The following ETV6 variants were observed in gnomAD, a reference collection of about 807,000 sequenced individuals.
ETV6 encodes the protein ETS variant transcription factor 6, also known as transcription factor ETV6.
ETV6 carries 16 observed loss-of-function variants against 51.1 expected under a neutral mutation model. That is an observed-to-expected ratio of 0.31 (90% CI 0.21 to 0.48). The LOEUF is 0.48. Among genes scored for constraint, ETV6 ranks in the 20% least tolerant of loss-of-function variants. ETV6 has a pLI of 0.99. For missense variants in ETV6, 458 were observed against 594.8 expected, an observed-to-expected ratio of 0.77 and a Z score of 2.39; for synonymous variants, 240 against 224.1, an observed-to-expected ratio of 1.07 and a Z score of -0.64.
rs374994325 is a variant in ETV6 at position 11,843,831 on chromosome 12, T to A, written c.328+4527T>A. ...TTGCAGTGTGCTTTAAATAATTATA[T>A]GGTCTCTAACCAGAAGATTTCAAGG... is the stretch of plus-strand genomic sequence containing the variant. On this transcript the variant is annotated intron_variant, in intron 3 of 7. Transcript: ENST00000396373. 2.2e-4 allele frequency among the ~76,000 whole-genome samples: 33 copies of A among 152,302 alleles called. No homozygotes were observed. In the East Asian group the frequency reaches 4.6e-3, roughly 21 times the overall value.
At chr12:11,878,241 G>C (rs1447842092) in intron 5 of ETV6, among the ~76,000 whole-genome samples, 1 of 152,176 alleles carries the variant, frequency 6.6e-6, no homozygotes, top group Non-Finnish European at 1.5e-5. Flanking sequence ...AGAAATCAAA[G>C]AGCCCTAAAA....
chr12:11,684,082 A>C (rs1864583333), intron 1 of ETV6, among the ~76,000 whole-genome samples: 1 of 152,254 alleles, frequency 6.6e-6, no homozygotes, highest in Admixed American at 6.5e-5. Flanking sequence ...AACTGAGAAA[A>C]AAGTGATTCA....
chr12:11,859,342 C>T (rs911806270), intron 4 of ETV6, among the ~76,000 whole-genome samples: 16 of 151,516 alleles, frequency 1.1e-4, no homozygotes, highest in Non-Finnish European at 2.4e-4. Flanking sequence ...AGGGTTTCGC[C>T]GTGTTAGCCA....
intron 2 of ETV6, among the ~76,000 whole-genome samples, chr12:11,812,487 T>G (rs1230506421): frequency 2.0e-5 from 3 of 152,164 alleles, no homozygotes; most frequent in African/African-American, 7.2e-5. Context: ...TCAAATATAT[T>G]TAGTGCTTTC....
At chr12:11,797,089 T>C (rs1000461772) in intron 2 of ETV6, among the ~76,000 whole-genome samples, 1 of 152,206 alleles carries the variant, frequency 6.6e-6, no homozygotes, top group African/African-American at 2.4e-5. Context: ...ATTCTTTTTC[T>C]CCTCTAAAGA....
At chr12:11,675,089 C>T (rs532819704) in intron 1 of ETV6, among the ~76,000 whole-genome samples, 30 of 152,300 alleles carry the variant, frequency 2.0e-4, no homozygotes, top group Non-Finnish European at 3.4e-4. Context: ...CTAGCTGTAG[C>T]CATGGGGGTA....
chr12:11,682,434 T>C (rs1194703126), intron 1 of ETV6, among the ~76,000 whole-genome samples: 3 of 152,188 alleles, frequency 2.0e-5, no homozygotes, highest in African/African-American at 7.2e-5. Context: ...TGTAAATTTG[T>C]TTTAAGTTCC....
chr12:11,813,729 C>T (rs1325825304), intron 2 of ETV6, among the ~76,000 whole-genome samples: 1 of 152,284 alleles, frequency 6.6e-6, no homozygotes, highest in East Asian at 1.9e-4. Context: ...CTTGAAAAGA[C>T]TTCTTGTGAT....
At chr12:11,775,986 T>C (rs1044591869) in intron 2 of ETV6, among the ~76,000 whole-genome samples, 2 of 152,232 alleles carry the variant, frequency 1.3e-5, no homozygotes, top group Non-Finnish European at 1.5e-5. Context: ...TCATCCACCT[T>C]ACACCATGTC....
At chr12:11,887,939 G>A (rs948841269) in intron 7 of ETV6, among the ~76,000 whole-genome samples, 2 of 152,120 alleles carry the variant, frequency 1.3e-5, no homozygotes, top group African/African-American at 2.4e-5. Flanking sequence ...CTGTGTTGCA[G>A]GGGCTAGAAG....
chr12:11,840,992 A>G (rs748981128), intron 3 of ETV6: 21 of 157,704 alleles, frequency 1.3e-4, no homozygotes, highest in Non-Finnish European at 2.7e-4. Context: ...TTGTGTTCCA[A>G]TGAAACCATT....
At chr12:11,852,924 C>T (rs1484433559) in intron 3 of ETV6, among the ~76,000 whole-genome samples, 1 of 152,202 alleles carries the variant, frequency 6.6e-6, no homozygotes, top group African/African-American at 2.4e-5. Context: ...CGGTAGCTTA[C>T]ACCTGTAATC....
intron 2 of ETV6, among the ~76,000 whole-genome samples, chr12:11,802,670 T>A (rs1945767260): frequency 6.6e-6 from 1 of 152,238 alleles, no homozygotes; most frequent in Non-Finnish European, 1.5e-5. Context: ...AATTCTTAAA[T>A]AGACTTTACA....
At chr12:11,822,510 T>C (rs1481164374) in intron 2 of ETV6, among the ~76,000 whole-genome samples, 3 of 152,230 alleles carry the variant, frequency 2.0e-5, no homozygotes, top group Non-Finnish European at 4.4e-5. Flanking sequence ...CATCCAGGTC[T>C]GTAGGGGAAA....
chr12:11,854,710 T>C (rs1054106738), intron 4 of ETV6, among the ~76,000 whole-genome samples: 1 of 152,116 alleles, frequency 6.6e-6, no homozygotes, highest in Non-Finnish European at 1.5e-5. Context: ...CTTTGATTTC[T>C]GGAATATGGA....
chr12:11,806,923 A>G (rs1254753177), intron 2 of ETV6, among the ~76,000 whole-genome samples: 1 of 152,240 alleles, frequency 6.6e-6, no homozygotes, highest in Non-Finnish European at 1.5e-5. Flanking sequence ...ACAATCCCGA[A>G]CAAGCTAAGC....
At chr12:11,833,649 GT>G (rs1396111491) in intron 2 of ETV6, among the ~76,000 whole-genome samples, 5 of 152,176 alleles carry the variant, frequency 3.3e-5, no homozygotes, top group Admixed American at 1.3e-4. Context: ...CTGTGTTCTA[GT>G]TTTCTCCTCC....
intron 2 of ETV6, among the ~76,000 whole-genome samples, chr12:11,784,984 G>A (rs1945465297): frequency 6.7e-6 from 1 of 149,266 alleles, no homozygotes; most frequent in Admixed American, 6.8e-5. Context: ...TAGGATTACA[G>A]GCATGAACCA....
At chr12:11,754,922 A>G (rs2724602) in intron 2 of ETV6, among the ~76,000 whole-genome samples, 143,294 of 152,296 alleles carry the variant, frequency 0.94, 68,033 homozygotes, top group East Asian at 1. Context: ...TTCTATCTCC[A>G]TGTCACACAT....
Sources: gnomAD v4.1 joint callset for allele counts (sites outside exome capture counted in the v4.1 genomes callset) on GRCh38, gnomAD v4.1.1 for gene constraint, MANE v1.5 for transcripts, NCBI Gene and HGNC (gene_info 2026-07-23, HGNC 2026-07-21) for gene names.